The following KCP variants were observed in gnomAD, a reference collection of about 807,000 sequenced individuals.
KCP encodes kielin cysteine rich BMP regulator.
A neutral mutation model predicts 212.7 loss-of-function variants in KCP; 194 were observed. The ratio of observed to expected loss-of-function variants is 0.91; its 90% CI spans 0.81 to 1.03. KCP has a LOEUF of 1.03. Among genes scored for constraint, KCP ranks in the 50% least tolerant of loss-of-function variants. KCP has a pLI of 0.00. For synonymous variants in KCP, 833 were observed against 865.3 expected, an observed-to-expected ratio of 0.96 and a Z score of 0.65; for missense variants, 2,080 against 2,162.5, an observed-to-expected ratio of 0.96 and a Z score of 0.76.
At chr7:128,894,099 C>T in intron 9 of KCP, 44 bp from the exon 10 acceptor site, 1 of 1,533,382 alleles carries the variant, frequency 6.5e-7, no homozygotes, top group Non-Finnish European at 8.8e-7. Context: ...GGGCCCCTCC[C>T]CACCCTCTCC....
At chr7:128,909,356 C>A (rs1795312170) in intron 1 of KCP, among the ~76,000 whole-genome samples, 1 of 152,116 alleles carries the variant, frequency 6.6e-6, no homozygotes, top group South Asian at 2.1e-4. Flanking sequence ...ATTAGTGAGG[C>A]CAGGCCTGGA....
In KCP at chr7:128,879,636, G is replaced by A. The variant is rs1271453592; in HGVS notation, c.4045-13C>T. 1.9e-6 allele frequency: 3 copies of A among 1,549,400 alleles called. No individual in the cohort carries two copies. The highest frequency in any genetic ancestry group is 2.6e-6 in the Non-Finnish European group (3 of 1,145,998). ...GGTGCCCATCCACCTGGAGGATAAAGGAGGTGGGAGGAGGGGTGATGTCGA... is the reference window on the plus strand; with the variant it reads ...GGTGCCCATCCACCTGGAGGATAAAAGAGGTGGGAGGAGGGGTGATGTCGA... On this transcript the variant is annotated splice_polypyrimidine_tract_variant and intron_variant, in intron 36 of 39. Transcript: ENST00000610776.
chr7:128,885,074 C>A (rs1793562946), intron 27 of KCP, 23 bp downstream of exon 27: 1 of 1,550,378 alleles, frequency 6.5e-7, no homozygotes, highest in South Asian at 1.2e-5. Context: ...CGCCTTTCCC[C>A]TCCCGCCCCA....
intron 21 of KCP, chr7:128,890,101 G>T: frequency 3.3e-6 from 2 of 602,208 alleles, no homozygotes; most frequent in African/African-American, 1.9e-5. Flanking sequence ...AATTTTTTGT[G>T]TAGAGACAAG....
chr7:128,902,020 T>C (rs542669909), intron 8 of KCP, among the ~76,000 whole-genome samples: 54 of 152,204 alleles, frequency 3.5e-4, no homozygotes, highest in Non-Finnish European at 6.3e-4. Context: ...AGAAATACAA[T>C]GTTAACCACT....
At chr7:128,901,733 C>T (rs1794858518) in intron 8 of KCP, among the ~76,000 whole-genome samples, 1 of 152,184 alleles carries the variant, frequency 6.6e-6, no homozygotes, top group Admixed American at 6.5e-5. Context: ...GATTGGGACC[C>T]CTTTCCTGTA....
intron 16 of KCP, among the ~76,000 whole-genome samples, chr7:128,892,257 G>A (rs948676212): frequency 4.0e-5 from 6 of 149,938 alleles, no homozygotes; most frequent in Non-Finnish European, 7.5e-5. Flanking sequence ...GCGTGGTGGG[G>A]CGGGGGGCAG....
chr7:128,895,533 A>G (rs1388181732), intron 8 of KCP, among the ~76,000 whole-genome samples: 1 of 152,226 alleles, frequency 6.6e-6, no homozygotes, highest in African/African-American at 2.4e-5. Context: ...GAGGCGTTTG[A>G]ACCAAAGCAA....
At chr7:128,896,555 C>T (rs1209374520) in intron 8 of KCP, among the ~76,000 whole-genome samples, 1 of 152,044 alleles carries the variant, frequency 6.6e-6, no homozygotes, top group African/African-American at 2.4e-5. Flanking sequence ...GCTTTTTCCT[C>T]CCTAAAAGGG....
chr7:128,881,565 C>T, intron 31 of KCP, 61 bp downstream of exon 31: 1 of 1,243,554 alleles, frequency 8.0e-7, no homozygotes, highest in East Asian at 2.8e-5. Context: ...ATGAATGCCT[C>T]CCCTTCCTGT....
intron 7 of KCP, 131 bp from the exon 8 acceptor site, chr7:128,902,990 A>C (rs1052693817): frequency 1.9e-5 from 13 of 689,778 alleles, no homozygotes; most frequent in Non-Finnish European, 3.3e-5. Flanking sequence ...ATGGGGTCAG[A>C]TCTCTGCCTA....
In KCP at chr7:128,877,643, C is replaced by A. The variant is rs1793073758; in HGVS notation, c.4459G>T (p.Val1487Leu). ...GCGGCAAAGAAGGGCTCCGGTGGCACCACAGCATGGCAGCGACTGAATGGG... is the reference window on the plus strand; with the variant it reads ...GCGGCAAAGAAGGGCTCCGGTGGCAACACAGCATGGCAGCGACTGAATGGG... ...SSPFSRCHAV[V>L]PPEPFFAACV... Residue 1487 changes from valine (V) to leucine (L), a missense_variant, in exon 39 of 40, where the codon GTG (valine) becomes TTG (leucine). Transcript: ENST00000610776. The A allele has an allele frequency of 6.4e-7, 1 of 1,551,518 alleles. No individual in the cohort carries two copies. The highest frequency in any genetic ancestry group is 1.4e-5 in the African/African-American group (1 of 73,058).
chr7:128,880,283 G>A lies in KCP; in HGVS notation c.3759+103C>T, dbSNP rs989829929. On this transcript the variant is annotated intron_variant, in intron 34 of 39. Coordinates refer to ENST00000610776, the MANE Select transcript of KCP (RefSeq NM_001366122.1). ...GCACTGTCCCCAGCTCCCAGCTGGC[G>A]GCAGGAGCCCAGCCTCCCTCTCTGA... 135 of 1,399,384 alleles carry A rather than the reference G, an allele frequency of 9.6e-5. 2 individuals carry two copies. Among genetic ancestry groups the A allele is most frequent in the Middle Eastern group, 7.4e-4 (3 of 4,044 alleles). 86.7% of individuals were successfully genotyped at this position (1,399,384 alleles called of 1,614,324 possible).
Position 128,891,078 on chromosome 7 carries a change from C to T in KCP, c.1991G>A (p.Gly664Asp). 1 of 1,415,744 alleles carries T rather than the reference C, an allele frequency of 7.1e-7. No homozygotes were observed. 87.7% of individuals were successfully genotyped at this position (1,415,744 alleles called of 1,614,324 possible). A position where few individuals can be genotyped will look rare whatever the true frequency, so the allele number is the denominator to read the frequency against. ...GTGGGCCGCGCCGGGCCGTGGGCAG[C>T]CGGCGGGGGCTGGGGCGGCTGCGGC... ...PQCPAAPAPAGCPRPGAAHAR... is the reference protein window; with the variant it reads ...PQCPAAPAPADCPRPGAAHAR... Residue 664 changes from glycine (G) to aspartate (D), a missense_variant, in exon 20 of 40, where the codon GGC becomes GAC. By Grantham distance (94) the Gly-to-Asp change is moderately conservative (BLOSUM62 -1). Transcript: ENST00000610776.
intron 34 of KCP, 30 bp downstream of exon 34, chr7:128,880,356 C>A: frequency 2.0e-6 from 3 of 1,494,970 alleles, no homozygotes; most frequent in South Asian, 1.3e-5. Context: ...CACCCTGACC[C>A]TCCCCACCAT....
At chr7:128,881,448 G>A (rs1166641529) in intron 31 of KCP, among the ~76,000 whole-genome samples, 178 bp downstream of exon 31, 4 of 152,134 alleles carry the variant, frequency 2.6e-5, no homozygotes, top group African/African-American at 9.7e-5. Flanking sequence ...CTGCCTCATG[G>A]GTCTCTTCTC....
At chr7:128,891,622 G>A (rs1357891240) in intron 17 of KCP, 24 bp downstream of exon 17, 2 of 1,495,450 alleles carry the variant, frequency 1.3e-6, no homozygotes, top group African/African-American at 2.8e-5. Flanking sequence ...ATCCCAGAAG[G>A]CCGCCCTGAC....
At chr7:128,900,968 C>T (rs1794809598) in intron 8 of KCP, among the ~76,000 whole-genome samples, 1 of 152,186 alleles carries the variant, frequency 6.6e-6, no homozygotes, top group Non-Finnish European at 1.5e-5. Context: ...GCTGCATTCC[C>T]AGATGGTTAG....
chr7:128,910,694 C>A lies in KCP; in HGVS notation c.-18G>T. On this transcript the variant is annotated 5_prime_UTR_variant, in exon 1 of 40. Transcript: ENST00000610776. ...CCGGCCATGCTAGCTCCGCCTCGCT[C>A]GGCTCGCCGTCTGTCGTCGCGGCTC... 2 of 1,479,870 alleles carry A rather than the reference C, an allele frequency of 1.4e-6. No individual in the cohort carries two copies. Among genetic ancestry groups the A allele is most frequent in the East Asian group, 2.8e-5 (1 of 35,902 alleles). The allele number at this position is 1,479,870 out of a possible 1,614,324, so 91.7% of individuals were successfully genotyped here.
Sources: allele counts gnomAD v4.1 joint callset (sites outside exome capture counted in the v4.1 genomes callset), GRCh38; gene constraint gnomAD v4.1.1; transcripts MANE v1.5; gene names NCBI Gene and HGNC (gene_info 2026-07-23, HGNC 2026-07-21).